Variants in ATP2B1 observed in about 807,000 individuals in gnomAD.
ATP2B1 encodes plasma membrane calcium-transporting ATPase 1.
ATP2B1 carries 14 observed loss-of-function variants against 124.2 expected under a neutral mutation model. The observed-to-expected ratio is 0.11, with a 90% CI of 0.07 to 0.18. ATP2B1 has a LOEUF of 0.18. ATP2B1 is among the 10% of genes least tolerant of loss of function. ATP2B1 has a pLI of 1.00. For missense variants in ATP2B1, 763 were observed against 1,466.1 expected (o/e 0.52, Z 7.83); for synonymous variants, 449 against 492.4 (o/e 0.91, Z 1.17).
In ATP2B1 at chr12:89,655,794, G is replaced by A. The variant is rs200585152; in HGVS notation, c.93C>T (p.Leu31=). Residue 31 remains leucine, a synonymous_variant, in exon 2 of 21, where the codon CTC becomes CTT. Transcript: ENST00000428670. Reference sequence around the variant, plus strand: ...GCTCCATGAGAGCCCGCAGCTCTGCGAGCGTAATTCCAAAGTCTCCATCAT... The same window carrying A: ...GCTCCATGAGAGCCCGCAGCTCTGCAAGCGTAATTCCAAAGTCTCCATCAT... The part of the protein sequence containing the change: ...ANHDGDFGIT[L]AELRALMELR... 4.8e-5 allele frequency: 78 copies of A among 1,614,020 alleles called. No homozygotes were observed. The highest frequency in any genetic ancestry group is 1.6e-4 in the Middle Eastern group (1 of 6,084).
intron 1 of ATP2B1, among the ~76,000 whole-genome samples, chr12:89,704,212 TA>T (rs1254004774): frequency 6.6e-6 from 1 of 152,204 alleles, no homozygotes; most frequent in Non-Finnish European, 1.5e-5. Context: ...CAGCACATTT[TA>T]TTTTTATTCA....
chr12:89,608,491 T>C (rs753252837), intron 15 of ATP2B1, among the ~76,000 whole-genome samples: 63 of 151,616 alleles, frequency 4.2e-4, no homozygotes, highest in Admixed American at 2.0e-4. Flanking sequence ...TTGAACTAAA[T>C]TTAGACTTTT....
Position 89,634,994 on chromosome 12 carries a change from T to C in ATP2B1, c.661+3A>G. On this transcript the variant is annotated splice_donor_region_variant and intron_variant, in intron 4 of 20. Transcript: ENST00000428670. ...AGATGTACTGCTCTTTTTACTTACTTACCATATTTCACTTGAGCAATATCT... is the reference window on the plus strand; with the variant it reads ...AGATGTACTGCTCTTTTTACTTACTCACCATATTTCACTTGAGCAATATCT... 1 of 1,613,646 alleles carries C rather than the reference T, an allele frequency of 6.2e-7. No homozygotes were observed. The highest frequency in any genetic ancestry group is 8.5e-7 in the Non-Finnish European group (1 of 1,179,674).
intron 1 of ATP2B1, among the ~76,000 whole-genome samples, chr12:89,674,346 C>A (rs1411979321): frequency 1.3e-5 from 2 of 149,402 alleles, no homozygotes; most frequent in Non-Finnish European, 3.0e-5. Context: ...CTGATTAGAG[C>A]CTTTTAGAAT....
intron 5 of ATP2B1, among the ~76,000 whole-genome samples, chr12:89,633,195 T>C (rs1416622802): frequency 6.6e-6 from 1 of 152,128 alleles, no homozygotes; most frequent in African/African-American, 2.4e-5. Context: ...CTTAAATACA[T>C]TATATTTATA....
At chr12:89,682,214 A>C (rs1889442486) in intron 1 of ATP2B1, among the ~76,000 whole-genome samples, 1 of 152,152 alleles carries the variant, frequency 6.6e-6, no homozygotes, top group Non-Finnish European at 1.5e-5. Flanking sequence ...CTGTAAAAAC[A>C]CCTGAAATAT....
At chr12:89,604,116 TTAAAG>T (rs1189543239) in intron 16 of ATP2B1, 34 bp downstream of exon 16, 1 of 1,580,830 alleles carries the variant, frequency 6.3e-7, no homozygotes, top group Non-Finnish European at 8.6e-7. Flanking sequence ...CTTTTTAAAT[TTAAAG>T]TAAACAAGTT....
intron 2 of ATP2B1, among the ~76,000 whole-genome samples, chr12:89,653,672 C>T (rs980264107): frequency 5.9e-5 from 9 of 152,164 alleles, no homozygotes; most frequent in African/African-American, 1.7e-4. Context: ...CAAAAGGGTA[C>T]ATAACTATCC....
chr12:89,628,220 T>G (rs528187624), intron 6 of ATP2B1, among the ~76,000 whole-genome samples: 2 of 151,784 alleles, frequency 1.3e-5, no homozygotes, highest in East Asian at 1.9e-4. Flanking sequence ...CTGGCCAACA[T>G]GGTGAAACCC....
At chr12:89,643,605 A>C (rs1034279854) in intron 2 of ATP2B1, among the ~76,000 whole-genome samples, 1 of 152,226 alleles carries the variant, frequency 6.6e-6, no homozygotes, top group African/African-American at 2.4e-5. Flanking sequence ...GGAGGTTAAG[A>C]CAGAGCTAGT....
intron 2 of ATP2B1, among the ~76,000 whole-genome samples, chr12:89,653,922 G>T (rs79570659): frequency 0.016 from 2,502 of 152,284 alleles, 67 homozygotes; most frequent in African/African-American, 0.058. Context: ...GACCTGGTTA[G>T]GGGAAGTACA....
At chr12:89,704,346 C>T (rs1196692373) in intron 1 of ATP2B1, among the ~76,000 whole-genome samples, 1 of 152,072 alleles carries the variant, frequency 6.6e-6, no homozygotes, top group East Asian at 1.9e-4. Flanking sequence ...TTAAGTAAAT[C>T]AAAACACAAA....
intron 2 of ATP2B1, among the ~76,000 whole-genome samples, chr12:89,654,773 A>T (rs1885753046): frequency 6.6e-6 from 1 of 152,172 alleles, no homozygotes; most frequent in African/African-American, 2.4e-5. Flanking sequence ...TAAGAAAAAT[A>T]CTTTTGCTTA....
At chr12:89,646,335 C>G (rs1173487406) in intron 2 of ATP2B1, among the ~76,000 whole-genome samples, 2 of 152,078 alleles carry the variant, frequency 1.3e-5, no homozygotes, top group South Asian at 4.1e-4. Flanking sequence ...TCTGGAGCCA[C>G]AAGCCCAATG....
At chr12:89,696,870 A>G (rs1891194003) in intron 1 of ATP2B1, among the ~76,000 whole-genome samples, 1 of 152,202 alleles carries the variant, frequency 6.6e-6, no homozygotes, top group Non-Finnish European at 1.5e-5. Context: ...AGCAGGTAGA[A>G]GGCAGCTACA....
chr12:89,608,854 TC>T (rs1303718817), intron 15 of ATP2B1, among the ~76,000 whole-genome samples: 1 of 152,138 alleles, frequency 6.6e-6, no homozygotes, highest in African/African-American at 2.4e-5. Flanking sequence ...ATAGACCTCT[TC>T]AGCTATGCTT....
At chr12:89,680,111 T>C (rs1207370343) in intron 1 of ATP2B1, among the ~76,000 whole-genome samples, 2 of 151,814 alleles carry the variant, frequency 1.3e-5, no homozygotes, top group Non-Finnish European at 2.9e-5. Context: ...TACCAAGGAA[T>C]AAAAGAAAAT....
chr12:89,627,340 G>C (rs1881052242), intron 7 of ATP2B1, among the ~76,000 whole-genome samples: 1 of 150,120 alleles, frequency 6.7e-6, no homozygotes, highest in South Asian at 2.1e-4. Flanking sequence ...TTCGTGTTTG[G>C]AGTTGGGTCT....
At chr12:89,617,244 G>A (rs1385997043) in intron 11 of ATP2B1, among the ~76,000 whole-genome samples, 1 of 152,126 alleles carries the variant, frequency 6.6e-6, no homozygotes, top group African/African-American at 2.4e-5. Context: ...TCATTTGACA[G>A]TTCTCCATTT....
Sources: allele counts gnomAD v4.1 joint callset (sites outside exome capture counted in the v4.1 genomes callset), GRCh38; gene constraint gnomAD v4.1.1; transcripts MANE v1.5; gene names NCBI Gene and HGNC (gene_info 2026-07-23, HGNC 2026-07-21).